Variants in NFKB1 observed in about 807,000 individuals in gnomAD.
NFKB1 encodes the protein nuclear factor NF-kappa-B p105 subunit.
A neutral mutation model predicts 105.1 loss-of-function variants in NFKB1; 9 were observed. The observed-to-expected ratio is 0.09, with a 90% CI of 0.05 to 0.15. NFKB1 has a LOEUF of 0.15. NFKB1 is among the 10% of genes least tolerant of loss of function. The probability of loss-of-function intolerance (pLI) is 1.00; values close to 1 mark genes in which losing one functional copy is unlikely to be tolerated. For missense variants in NFKB1, 830 were observed against 1,203.7 expected, an observed-to-expected ratio of 0.69 and a Z score of 4.59; for synonymous variants, 440 against 442.2, an observed-to-expected ratio of 1.00 and a Z score of 0.06.
intron 14 of NFKB1, among the ~76,000 whole-genome samples, chr4:102,597,106 T>A (rs4648067): frequency 6.6e-6 from 1 of 152,142 alleles, no homozygotes; most frequent in South Asian, 2.1e-4. Flanking sequence ...AGATGTGTGT[T>A]TTTTCACACA....
chr4:102,588,938 T>C (rs1338872526), intron 11 of NFKB1, among the ~76,000 whole-genome samples: 1 of 152,190 alleles, frequency 6.6e-6, no homozygotes, highest in East Asian at 1.9e-4. Flanking sequence ...TGTTTCATAG[T>C]ACATCCCATG....
intron 19 of NFKB1, 81 bp downstream of exon 19, chr4:102,607,832 C>G (rs1386707774): frequency 9.1e-6 from 11 of 1,204,380 alleles, no homozygotes; most frequent in African/African-American, 1.5e-5. Context: ...GTCATGTTGC[C>G]TTCTTTAAGC....
At chr4:102,531,340 G>A (rs1358377200) in intron 3 of NFKB1, among the ~76,000 whole-genome samples, 1 of 152,094 alleles carries the variant, frequency 6.6e-6, no homozygotes, top group African/African-American at 2.4e-5. Context: ...GTTAGTTGTT[G>A]TTACACCATC....
chr4:102,578,866 G>A lies in NFKB1; in HGVS notation c.572-15G>A, dbSNP rs368197352. 1.1e-5 allele frequency: 18 copies of A among 1,613,806 alleles called. No individual in the cohort carries two copies. The highest frequency in any genetic ancestry group is 5.0e-5 in the Admixed American group (3 of 59,996). On this transcript the variant is annotated splice_polypyrimidine_tract_variant and intron_variant, in intron 7 of 23. Transcript: ENST00000226574. ...ACTTCCCTGGGCATGAATGGACTGT[G>A]CTGTATGGCCCTAGATCGGGAAAAA...
chr4:102,502,624 G>A (rs924593226), intron 1 of NFKB1, among the ~76,000 whole-genome samples: 4 of 152,150 alleles, frequency 2.6e-5, no homozygotes, highest in African/African-American at 7.2e-5. Context: ...CTAAATGCAA[G>A]TTTTTCTATG....
intron 5 of NFKB1, among the ~76,000 whole-genome samples, chr4:102,565,713 C>T (rs1446503562): frequency 1.3e-5 from 2 of 152,050 alleles, no homozygotes; most frequent in Non-Finnish European, 2.9e-5. Context: ...GTTCCTTCCT[C>T]CCTTTCCTCC....
At chr4:102,563,290 T>A (rs1412868254) in intron 5 of NFKB1, among the ~76,000 whole-genome samples, 1 of 152,062 alleles carries the variant, frequency 6.6e-6, no homozygotes, top group African/African-American at 2.4e-5. Flanking sequence ...GTCCTGGGTG[T>A]CTCCAAGAAT....
Position 102,612,614 on chromosome 4 carries a change from C to A in NFKB1, c.2592+8C>A, listed in dbSNP as rs547717933. On this transcript the variant is annotated splice_region_variant and intron_variant, in intron 22 of 23. Coordinates refer to ENST00000226574, the MANE Select transcript of NFKB1 (RefSeq NM_003998.4). ...CTTATGGACAACTATGAGGTAACAC[C>A]TTACCTTACAGATTTAGCAATTTTC... 2 of 1,610,502 alleles carry A rather than the reference C, an allele frequency of 1.2e-6. No homozygotes were observed. Among genetic ancestry groups the A allele is most frequent in the South Asian group, 1.1e-5 (1 of 90,874 alleles).
intron 1 of NFKB1, among the ~76,000 whole-genome samples, chr4:102,521,481 T>G (rs1310696398): frequency 6.6e-6 from 1 of 152,240 alleles, no homozygotes; most frequent in Admixed American, 6.5e-5. Context: ...GATTCCCAAC[T>G]GTACTCTCTG....
chr4:102,549,371 A>C (rs1228714069), intron 5 of NFKB1, among the ~76,000 whole-genome samples: 2 of 148,402 alleles, frequency 1.3e-5, no homozygotes, highest in African/African-American at 4.9e-5. Flanking sequence ...TATTCTATTA[A>C]TATAGATTAA....
intron 5 of NFKB1, among the ~76,000 whole-genome samples, chr4:102,551,365 T>TGCACGC (rs35449997): frequency 6.3e-5 from 8 of 127,542 alleles, no homozygotes; most frequent in Admixed American, 2.2e-4. Context: ...TGTGTGTGTG[T>TGCACGC]GTGCGCGCGC....
intron 1 of NFKB1, among the ~76,000 whole-genome samples, chr4:102,516,699 C>A (rs1033346272): frequency 6.6e-6 from 1 of 151,894 alleles, no homozygotes; most frequent in Non-Finnish European, 1.5e-5. Flanking sequence ...TCATTTGTGT[C>A]ATTTTTTTTC....
chr4:102,577,822 A>C, intron 7 of NFKB1: 1 of 984,960 alleles, frequency 1.0e-6, no homozygotes, highest in Non-Finnish European at 1.2e-6. Flanking sequence ...ACTACATTCC[A>C]TTTTCATTGT....
At chr4:102,602,306 G>A (rs907193643) in intron 16 of NFKB1, among the ~76,000 whole-genome samples, 59 of 151,782 alleles carry the variant, frequency 3.9e-4, no homozygotes, top group African/African-American at 1.1e-3. Context: ...CGAGGCAGGC[G>A]GATCATGAGA....
intron 10 of NFKB1, among the ~76,000 whole-genome samples, chr4:102,584,301 T>C (rs1725544061): frequency 6.6e-6 from 1 of 152,184 alleles, no homozygotes; most frequent in Non-Finnish European, 1.5e-5. Flanking sequence ...TCTCTTTCCA[T>C]ACCCAGTCTT....
In NFKB1 at chr4:102,596,236, G is replaced by C. The variant is rs765742100; in HGVS notation, c.1399G>C (p.Glu467Gln). Residue 467 changes from glutamate to glutamine, a missense_variant, in exon 14 of 24, where the codon GAG becomes CAG. Physicochemically the swap from Glu to Gln is conservative, Grantham distance 29 (BLOSUM62 2). This residue lies in a region of NFKB1 where 163 missense variants were observed against 164.3 expected (regional missense o/e 0.99). Transcript: ENST00000226574. ...CTTTGGGAAAGTTATTGAAACCACA[G>C]AGCAAGATCAGGAGCCCAGCGAGGC... ...NLFGKVIETTEQDQEPSEATV... is the reference protein window; with the variant it reads ...NLFGKVIETTQQDQEPSEATV... The C allele has an allele frequency of 5.6e-6, 9 of 1,613,666 alleles. No homozygotes were observed. Among genetic ancestry groups the C allele is most frequent in the Non-Finnish European group, 6.8e-6 (8 of 1,179,616 alleles).
chr4:102,525,792 A>G (rs1056105498), intron 2 of NFKB1, among the ~76,000 whole-genome samples: 1 of 152,194 alleles, frequency 6.6e-6, no homozygotes, highest in Non-Finnish European at 1.5e-5. Flanking sequence ...GCTACAGGAT[A>G]GCTATTGTAT....
Position 102,597,673 on chromosome 4 carries a change from C to T in NFKB1, c.1637+12C>T, listed in dbSNP as rs200902693. The T allele has an allele frequency of 1.9e-6, 3 of 1,605,796 alleles. No individual in the cohort carries two copies. The African/African-American group carries it at 4.0e-5, about 21-fold the overall frequency. On this transcript the variant is annotated intron_variant, in intron 15 of 23. Coordinates refer to ENST00000226574, the MANE Select transcript of NFKB1 (RefSeq NM_003998.4). ...GAGAATGGGGACAGGTAAGTCAGAA[C>T]TTTTGCATGATAGGTTGTCCTGGGT...
chr4:102,604,973 T>TAA (rs70937553), intron 16 of NFKB1, among the ~76,000 whole-genome samples: 12 of 146,292 alleles, frequency 8.2e-5, no homozygotes, highest in South Asian at 4.3e-4. Context: ...AAGAAAATAT[T>TAA]AAAAAAAAAA....
Sources: gnomAD v4.1 joint callset for allele counts (sites outside exome capture counted in the v4.1 genomes callset) on GRCh38, gnomAD v4.1.1 for gene constraint, gnomAD v4.1.1 regional missense constraint, MANE v1.5 for transcripts, NCBI Gene and HGNC (gene_info 2026-07-23, HGNC 2026-07-21) for gene names.